SLC44A2: variants seen among roughly 807,000 people sequenced by gnomAD.
SLC44A2 encodes the protein choline transporter-like protein 2.
Under a neutral mutation model 90.8 loss-of-function variants are expected in SLC44A2, and 57 were observed. That is an observed-to-expected ratio of 0.63 (90% confidence interval 0.51 to 0.78). The LOEUF (loss-of-function observed/expected upper bound fraction) is 0.78, where lower values mean the gene tolerates loss of function less well. Ranked by LOEUF, SLC44A2 falls within the 30% of genes least tolerant of loss-of-function variation. The probability of loss-of-function intolerance (pLI) is 0.00; values close to 1 mark genes in which losing one functional copy is unlikely to be tolerated. For synonymous variants in SLC44A2, 355 were observed against 360.7 expected, an observed-to-expected ratio of 0.98 and a Z score of 0.18; for missense variants, 794 against 919.7, an observed-to-expected ratio of 0.86 and a Z score of 1.77.
intron 1 of SLC44A2, among the ~76,000 whole-genome samples, chr19:10,609,598 C>A (rs894558367): frequency 6.6e-6 from 1 of 151,900 alleles, no homozygotes; most frequent in Non-Finnish European, 1.5e-5. Flanking sequence ...CTGTGCCTGG[C>A]GAAGTATAAT....
At position 10,632,094 on chromosome 19, in the gene SLC44A2, G is replaced by A. The variant is rs749777162; in HGVS notation, c.761G>A (p.Arg254His). Residue 254 changes from arginine to histidine, a missense_variant, in exon 10 of 22, where the codon CGC becomes CAC. Around this residue, in one of 3 missense-constraint regions of SLC44A2, gnomAD observed 738 missense variants for 841.1 expected, o/e 0.88. Coordinates refer to ENST00000335757, the MANE Select transcript of SLC44A2 (RefSeq NM_020428.4). ...AMSLLFIILL[R>H]FLAGIMVWVM... ...AGCCTCCTGTTCATCATCCTGCTTC[G>A]CTTCCTGGCTGGTATTATGGTCTGG... is the stretch of plus-strand genomic sequence containing the variant. The A allele has an allele frequency of 6.8e-6, 11 of 1,614,070 alleles. No individual in the cohort carries two copies. The highest frequency in any genetic ancestry group is 6.7e-5 in the East Asian group (3 of 44,874).
chr19:10,604,755 C>A (rs923912275), intron 1 of SLC44A2, among the ~76,000 whole-genome samples: 1 of 152,128 alleles, frequency 6.6e-6, no homozygotes, highest in Non-Finnish European at 1.5e-5. Context: ...GCTCGATGTG[C>A]TCAGGAGGCC....
intron 10 of SLC44A2, 22 bp downstream of exon 10, chr19:10,632,178 G>T (rs754723232): frequency 1.9e-6 from 3 of 1,597,308 alleles, no homozygotes; most frequent in Admixed American, 3.3e-5. Flanking sequence ...CCTCCCTGTG[G>T]CTTCTCTTTC....
chr19:10,631,277 C>G lies in SLC44A2; in HGVS notation c.333C>G (p.Ile111Met), dbSNP rs570912877. Residue 111 changes from isoleucine to methionine, a missense_variant and splice_region_variant, in exon 6 of 22, where the codon ATC becomes ATG. Coordinates refer to ENST00000335757, the MANE Select transcript of SLC44A2 (RefSeq NM_020428.4). ...LLEFQCPTPQ[I>M]CVEKCPDRYL... ...ATCCCTTCCTTCTCCCCTCCCAGAT[C>G]TGCGTGGAAAAATGCCCCGACCGCT... 4 of 1,614,080 alleles carry G rather than the reference C, an allele frequency of 2.5e-6. No individual in the cohort carries two copies. The highest frequency in any genetic ancestry group is 2.2e-5 in the East Asian group (1 of 44,872).
At chr19:10,637,822 G>T in intron 17 of SLC44A2, 34 bp from the exon 18 acceptor site, 1 of 1,613,982 alleles carries the variant, frequency 6.2e-7, no homozygotes, top group Non-Finnish European at 8.5e-7. Flanking sequence ...TGCCCACCCA[G>T]TGGGTCTGAT....
chr19:10,602,644 A>C, intron 1 of SLC44A2: 1 of 1,189,660 alleles, frequency 8.4e-7, no homozygotes, highest in Admixed American at 4.3e-5. Flanking sequence ...CTGAGACCCT[A>C]GGCACCGGCG....
upstream of SLC44A2, chr19:10,625,542 G>C (rs1227458985): frequency 1.6e-6 from 2 of 1,229,990 alleles, no homozygotes; most frequent in Non-Finnish European, 2.0e-6. Flanking sequence ...GCCGCCGCCA[G>C]TCGCGCGGTC....
intron 1 of SLC44A2, among the ~76,000 whole-genome samples, chr19:10,609,300 GCTTTTTT>G (rs1918212959): frequency 6.7e-6 from 1 of 148,716 alleles, no homozygotes; most frequent in Non-Finnish European, 1.5e-5. Context: ...TGTTTTTGTT[GCTTTTTT>G]CTTTTTTTTC....
intron 4 of SLC44A2, among the ~76,000 whole-genome samples, chr19:10,629,552 A>T (rs531873577): frequency 7.9e-5 from 12 of 151,102 alleles, no homozygotes; most frequent in Admixed American, 7.3e-4. Context: ...TGCTGGTATT[A>T]CGGGTGTGAG....
chr19:10,634,618 C>T (rs1227637047), intron 10 of SLC44A2, 138 bp from the exon 11 acceptor site: 15 of 1,184,926 alleles, frequency 1.3e-5, no homozygotes, highest in East Asian at 4.8e-5. Context: ...GAGAATGCAC[C>T]GGGCGGTGGG....
chr19:10,604,504 C>A (rs990590253), intron 1 of SLC44A2, among the ~76,000 whole-genome samples: 1 of 152,136 alleles, frequency 6.6e-6, no homozygotes, highest in Non-Finnish European at 1.5e-5. Flanking sequence ...AGGGAGCTTT[C>A]CCCTGGGGAT....
chr19:10,637,827 T>C (rs768848055), intron 17 of SLC44A2, 29 bp from the exon 18 acceptor site: 7 of 1,613,474 alleles, frequency 4.3e-6, no homozygotes, highest in Non-Finnish European at 5.9e-6. Context: ...ACCCAGTGGG[T>C]CTGATCTCTC....
intron 1 of SLC44A2, among the ~76,000 whole-genome samples, chr19:10,616,953 G>C (rs968052694): frequency 3.3e-5 from 5 of 151,634 alleles, no homozygotes; most frequent in African/African-American, 1.2e-4. Flanking sequence ...ATGGAGTCTT[G>C]CTCTGTCGCC....
At chr19:10,614,518 T>G (rs2066839117) in intron 1 of SLC44A2, among the ~76,000 whole-genome samples, 1 of 151,976 alleles carries the variant, frequency 6.6e-6, no homozygotes. Flanking sequence ...CAGGCATGAG[T>G]CACCATGCCC....
intron 1 of SLC44A2, among the ~76,000 whole-genome samples, chr19:10,606,850 T>TAC (rs1437696302): frequency 1.6e-5 from 2 of 122,758 alleles, no homozygotes; most frequent in South Asian, 4.9e-4. Context: ...AATATATATA[T>TAC]ACACATACAC....
chr19:10,616,139 A>C (rs1018051525), intron 1 of SLC44A2, among the ~76,000 whole-genome samples: 4 of 149,392 alleles, frequency 2.7e-5, no homozygotes, highest in African/African-American at 9.9e-5. Context: ...CCCTGTCTCC[A>C]AAGAAAAAAA....
intron 1 of SLC44A2, among the ~76,000 whole-genome samples, chr19:10,613,151 G>C (rs1314356604): frequency 6.6e-6 from 1 of 151,986 alleles, no homozygotes; most frequent in Non-Finnish European, 1.5e-5. Flanking sequence ...TCTGCCTCCC[G>C]GGCTCAAGCG....
At chr19:10,624,509 G>T (rs1014696714), upstream of SLC44A2, among the ~76,000 whole-genome samples, 1 of 152,124 alleles carries the variant, frequency 6.6e-6, no homozygotes, top group South Asian at 2.1e-4. Context: ...CACCATGTTG[G>T]CCAGGCTGGC....
At chr19:10,624,912 AG>A (rs2144837423), upstream of SLC44A2, among the ~76,000 whole-genome samples, 1 of 152,208 alleles carries the variant, frequency 6.6e-6, no homozygotes, top group African/African-American at 2.4e-5. Context: ...CGGTGGGAGG[AG>A]CCCACGAGTC....
Sources: gnomAD v4.1 joint callset for allele counts (sites outside exome capture counted in the v4.1 genomes callset) on GRCh38, gnomAD v4.1.1 for gene constraint, gnomAD v4.1.1 regional missense constraint, MANE v1.5 for transcripts, NCBI Gene and HGNC (gene_info 2026-07-23, HGNC 2026-07-21) for gene names.